The following NDST3 variants were observed in gnomAD, a reference collection of about 807,000 sequenced individuals.
The protein encoded by NDST3 is bifunctional heparan sulfate N-deacetylase/N-sulfotransferase 3.
In NDST3, 58 loss-of-function variants were observed where a neutral mutation model predicts 96.1. The ratio of observed to expected loss-of-function variants is 0.60; its 90% CI spans 0.49 to 0.75. NDST3 has a LOEUF of 0.75. NDST3 is among the 30% of genes least tolerant of loss of function. The pLI is 0.00. For missense variants in NDST3, 788 were observed against 1,034.2 expected (o/e 0.76, Z 3.27); for synonymous variants, 333 against 359.7 (o/e 0.93, Z 0.84).
At chr4:118,065,640 T>A (rs969892333) in intron 2 of NDST3, among the ~76,000 whole-genome samples, 9 of 152,170 alleles carry the variant, frequency 5.9e-5, no homozygotes, top group Middle Eastern at 3.4e-3. Context: ...ATTGTTACCA[T>A]TTCATTATAC....
rs1420389603 is a variant in NDST3 at position 118,242,014 on chromosome 4, G to A, written c.2290-26G>A. 3 of 1,495,510 alleles carry A rather than the reference G, an allele frequency of 2.0e-6. No individual in the cohort carries two copies. In the African/African-American group the frequency reaches 4.2e-5, roughly 21 times the overall value. The allele number at this position is 1,495,510 out of a possible 1,614,324, so 92.6% of individuals were successfully genotyped here. On this transcript the variant is annotated intron_variant, in intron 11 of 13. Coordinates refer to ENST00000296499, the MANE Select transcript of NDST3 (RefSeq NM_004784.3). Reference sequence around the variant, plus strand: ...TACAGTTTACATGTCTTTTTTCAATGTGCATTTTTTTATTTGATAATTTAG... The same window carrying A: ...TACAGTTTACATGTCTTTTTTCAATATGCATTTTTTTATTTGATAATTTAG...
intron 2 of NDST3, among the ~76,000 whole-genome samples, chr4:118,092,056 A>ATTTATTTG (rs1553930189): frequency 2.3e-4 from 34 of 148,470 alleles, no homozygotes; most frequent in East Asian, 2.0e-3. Context: ...TTTCTTATTT[A>ATTTATTTG]TTTATTTATT....
chr4:118,140,555 C>T (rs1161063585), intron 5 of NDST3, among the ~76,000 whole-genome samples: 7 of 152,144 alleles, frequency 4.6e-5, no homozygotes, highest in Non-Finnish European at 1.5e-5. Context: ...GTATATTAGT[C>T]CATTCTCACA....
rs1309256188 is a variant in NDST3 at position 118,253,486 on chromosome 4, T to C, written c.2400-13T>C. 10 of 13,006 alleles carry C rather than the reference T, an allele frequency of 7.7e-4. No homozygotes were observed. The highest frequency in any genetic ancestry group is 4.2e-3 in the Non-Finnish European group (10 of 2,398). The allele number at this position is 13,006 out of a possible 1,614,324, so 0.8% of individuals were successfully genotyped here. ...TTTTCTGGTTTTTCTGTGTGTATTC[T>C]TTTTTTTTTTAGGTTTGATTCTCAT... On this transcript the variant is annotated splice_polypyrimidine_tract_variant and intron_variant, in intron 12 of 13. Coordinates refer to ENST00000296499, the MANE Select transcript of NDST3 (RefSeq NM_004784.3).
Position 118,068,008 on chromosome 4 carries a change from T to C in NDST3, c.981+13117T>C, listed in dbSNP as rs564339029. On this transcript the variant is annotated intron_variant, in intron 2 of 13. Transcript: ENST00000296499. ...CATCCTCAAAAGCAAGGAAAGTCTA[T>C]GAGAGTAATTAATTATCTTTGTTTT... Among the ~76,000 whole-genome samples, 5 of 152,174 alleles carry C rather than the reference T, an allele frequency of 3.3e-5. No individual in the cohort carries two copies. The East Asian group carries it at 7.7e-4, about 24-fold the overall frequency.
In NDST3 at chr4:118,257,807, T is replaced by C. The variant is rs1268592346; in HGVS notation, c.*2095T>C. 2 of 152,282 alleles carry C rather than the reference T, an allele frequency of 1.3e-5. No individual in the cohort carries two copies. Among genetic ancestry groups the C allele is most frequent in the East Asian group, 1.9e-4 (1 of 5,180 alleles). 9.4% of individuals were successfully genotyped at this position (152,282 alleles called of 1,614,324 possible). On this transcript the variant is annotated 3_prime_UTR_variant, in exon 14 of 14. Transcript: ENST00000296499. ...AAAATCAAAGTGATTTGGACAAATA[T>C]GGGAAACACAGTCTTCATGCTTACT...
intron 6 of NDST3, chr4:118,194,387 G>T: frequency 1.4e-6 from 1 of 731,468 alleles, no homozygotes; most frequent in South Asian, 1.4e-5. Flanking sequence ...TGGCATTGGG[G>T]AGATCTTTGG....
intron 6 of NDST3, among the ~76,000 whole-genome samples, chr4:118,178,262 T>C (rs911219360): frequency 3.9e-5 from 6 of 152,052 alleles, no homozygotes; most frequent in Non-Finnish European, 7.4e-5. Flanking sequence ...ATTCACATTG[T>C]TGTGACACAG....
chr4:118,114,057 C>A (rs1174709029), intron 3 of NDST3, among the ~76,000 whole-genome samples: 1 of 151,938 alleles, frequency 6.6e-6, no homozygotes, highest in Non-Finnish European at 1.5e-5. Context: ...AAGTATGAAA[C>A]CACCAAGAAA....
chr4:118,130,572 T>A (rs1030813150), intron 4 of NDST3, among the ~76,000 whole-genome samples: 1 of 152,190 alleles, frequency 6.6e-6, no homozygotes, highest in Non-Finnish European at 1.5e-5. Context: ...ATTTAGTCTT[T>A]CTACTTAAGA....
intron 4 of NDST3, among the ~76,000 whole-genome samples, chr4:118,137,420 T>C (rs1733198950): frequency 6.6e-6 from 1 of 152,080 alleles, no homozygotes; most frequent in African/African-American, 2.4e-5. Flanking sequence ...CCCAGAATAT[T>C]TGGCTGTTTC....
At chr4:118,125,621 G>T (rs1731986741) in intron 4 of NDST3, among the ~76,000 whole-genome samples, 1 of 151,926 alleles carries the variant, frequency 6.6e-6, no homozygotes, top group Non-Finnish European at 1.5e-5. Context: ...TTCGTATTTA[G>T]CATCTGAATA....
chr4:118,042,417 C>A (rs755129717), intron 1 of NDST3, among the ~76,000 whole-genome samples: 14 of 152,174 alleles, frequency 9.2e-5, no homozygotes, highest in Non-Finnish European at 1.6e-4. Flanking sequence ...TGTCTTGACT[C>A]TGCCTACTTC....
chr4:118,040,544 C>T (rs1236897980), intron 1 of NDST3, among the ~76,000 whole-genome samples: 1 of 152,108 alleles, frequency 6.6e-6, no homozygotes, highest in East Asian at 1.9e-4. Flanking sequence ...ATAGCTATCC[C>T]TTTATGAACC....
chr4:118,173,118 T>C lies in NDST3; in HGVS notation c.1539+29434T>C, dbSNP rs542515974. 3.5e-5 allele frequency among the ~76,000 whole-genome samples: 5 copies of C among 142,392 alleles called. No individual in the cohort carries two copies. In the East Asian group the frequency reaches 6.3e-4, roughly 18 times the overall value. 93.4% of individuals were successfully genotyped at this position (142,392 alleles called of 152,430 possible). A position where few individuals can be genotyped will look rare whatever the true frequency, so the allele number is the denominator to read the frequency against. ...GACCTTATTTAATCCTCACAACAAC[T>C]CTATGAGGCATATATATGTGTGTGT... On this transcript the variant is annotated intron_variant, in intron 6 of 13. Transcript: ENST00000296499.
chr4:118,057,642 G>T (rs1455064990), intron 2 of NDST3, among the ~76,000 whole-genome samples: 1 of 152,018 alleles, frequency 6.6e-6, no homozygotes, highest in African/African-American at 2.4e-5. Context: ...CAACAGCAGG[G>T]CCCACTGGGC....
At chr4:118,172,942 G>A (rs1397877874) in intron 6 of NDST3, among the ~76,000 whole-genome samples, 1 of 151,982 alleles carries the variant, frequency 6.6e-6, no homozygotes, top group African/African-American at 2.4e-5. Flanking sequence ...CTAATAATAT[G>A]TAAACTATCA....
chr4:118,097,421 C>A (rs1157556770), intron 2 of NDST3, among the ~76,000 whole-genome samples: 1 of 151,848 alleles, frequency 6.6e-6, no homozygotes, highest in East Asian at 1.9e-4. Flanking sequence ...AAAGGAAAAA[C>A]AACTCATAAA....
intron 2 of NDST3, among the ~76,000 whole-genome samples, chr4:118,056,798 G>T (rs552394056): frequency 6.6e-6 from 1 of 151,938 alleles, no homozygotes; most frequent in Admixed American, 6.6e-5. Flanking sequence ...ATAGAGGCAG[G>T]CTTTAGGGAT....
Sources: gnomAD v4.1 joint callset for allele counts (sites outside exome capture counted in the v4.1 genomes callset) on GRCh38, gnomAD v4.1.1 for gene constraint, MANE v1.5 for transcripts, NCBI Gene and HGNC (gene_info 2026-07-23, HGNC 2026-07-21) for gene names.